The following ADAMTS17 variants were observed in gnomAD, a reference collection of about 807,000 sequenced individuals.
The protein encoded by ADAMTS17 is A disintegrin and metalloproteinase with thrombospondin motifs 17.
Under a neutral mutation model 141.5 loss-of-function variants are expected in ADAMTS17, and 113 were observed. The observed-to-expected ratio is 0.80, with a 90% CI of 0.69 to 0.93. ADAMTS17 has a LOEUF of 0.93. Ranked by LOEUF, ADAMTS17 falls within the 40% of genes least tolerant of loss-of-function variation. The probability of loss-of-function intolerance (pLI) is 0.00; values close to 1 mark genes in which losing one functional copy is unlikely to be tolerated. For missense variants in ADAMTS17, 1,659 were observed against 1,517.9 expected (o/e 1.09, Z -1.54); for synonymous variants, 768 against 630.6 (o/e 1.22, Z -3.27).
chr15:100,149,504 T>TTGACCTGAGTCACCCCTGGTCACCTGCTC (rs2039064743), intron 10 of ADAMTS17, among the ~76,000 whole-genome samples: 12 of 152,186 alleles, frequency 7.9e-5, no homozygotes, highest in Non-Finnish European at 1.5e-4. Flanking sequence ...GTCACCTGCT[T>TTGACCTGAGTCACCCCTGGTCACCTGCTC]TGACCTGAGT....
At chr15:100,236,146 G>A (rs547730772) in intron 7 of ADAMTS17, among the ~76,000 whole-genome samples, 96 of 152,220 alleles carry the variant, frequency 6.3e-4, no homozygotes, top group African/African-American at 2.1e-3. Flanking sequence ...GAGAACACAG[G>A]AAGTAACTCG....
At chr15:100,306,667 C>T in intron 3 of ADAMTS17, 1 of 437,018 alleles carries the variant, frequency 2.3e-6, no homozygotes, top group Non-Finnish European at 4.6e-6. Flanking sequence ...AACGACTCAG[C>T]TTTGGGGTAG....
intron 18 of ADAMTS17, among the ~76,000 whole-genome samples, chr15:100,022,419 C>T (rs2061422712): frequency 6.6e-6 from 1 of 152,204 alleles, no homozygotes; most frequent in Non-Finnish European, 1.5e-5. Context: ...AATAAAACAA[C>T]CAGCAGTTTC....
chr15:100,161,197 G>A (rs768754183), intron 8 of ADAMTS17, among the ~76,000 whole-genome samples: 18 of 152,262 alleles, frequency 1.2e-4, no homozygotes, highest in East Asian at 3.9e-4. Flanking sequence ...CACACCGTGC[G>A]GCGAGTTCTG....
At position 100,296,406 on chromosome 15, in the gene ADAMTS17, C is replaced by A. The variant is rs111696952; in HGVS notation, c.617-15005G>T. ...ATCCAACATCCTTGAAGCATAATGG[C>A]CTTCTCTTTCTTTTTTTTTCCAAAA... is the stretch of plus-strand genomic sequence containing the variant. On this transcript the variant is annotated intron_variant, in intron 3 of 21. Coordinates refer to ENST00000268070, the MANE Select transcript of ADAMTS17 (RefSeq NM_139057.4). Among the ~76,000 whole-genome samples, 134 of 151,820 alleles carry A rather than the reference C, an allele frequency of 8.8e-4. 1 individual carries two copies. The highest frequency in any genetic ancestry group is 3.4e-3 in the Middle Eastern group (1 of 294).
Position 100,162,810 on chromosome 15 carries a change from CACAT to C in ADAMTS17, c.1182-7494_1182-7491del, listed in dbSNP as rs2039776133. On this transcript the variant is annotated intron_variant, in intron 8 of 21. Coordinates refer to ENST00000268070, the MANE Select transcript of ADAMTS17 (RefSeq NM_139057.4). ...TGCACATATACACAGTATATATGCA[CACAT>C]ACACATTATATATATGTGTATAACT... is the stretch of plus-strand genomic sequence containing the variant. Among the ~76,000 whole-genome samples the C allele has an allele frequency of 2.1e-5, 3 of 143,702 alleles. 1 individual carries two copies. The South Asian group carries it at 6.6e-4, about 31-fold the overall frequency. 94.3% of individuals were successfully genotyped at this position (143,702 alleles called of 152,430 possible).
intron 7 of ADAMTS17, among the ~76,000 whole-genome samples, chr15:100,235,336 C>T (rs2042622193): frequency 6.6e-6 from 1 of 152,096 alleles, no homozygotes; most frequent in African/African-American, 2.4e-5. Context: ...CTGCTGGGCA[C>T]CTGGCTTTCC....
chr15:100,258,715 G>A (rs1027648572), intron 6 of ADAMTS17, among the ~76,000 whole-genome samples: 2 of 152,158 alleles, frequency 1.3e-5, no homozygotes, highest in African/African-American at 2.4e-5. Context: ...TGGGGACACA[G>A]CAAAACCGTA....
chr15:100,130,864 T>G (rs1024337163), intron 12 of ADAMTS17, among the ~76,000 whole-genome samples: 1 of 152,206 alleles, frequency 6.6e-6, no homozygotes, highest in Non-Finnish European at 1.5e-5. Context: ...ATCCCATTAC[T>G]GAGTATATAC....
rs1469060794 is a variant in ADAMTS17 at position 100,217,646 on chromosome 15, CAATG to C, written c.1076-18227_1076-18224del. On this transcript the variant is annotated intron_variant, in intron 7 of 21. Coordinates refer to ENST00000268070, the MANE Select transcript of ADAMTS17 (RefSeq NM_139057.4). ...TAAATATTTGTGATCCTGGGTTAGG[CAATG>C]ATTTCATAGGTATGATACCAAAAGT... 2.6e-5 allele frequency among the ~76,000 whole-genome samples: 4 copies of C among 152,148 alleles called. No homozygotes were observed. In the South Asian group the frequency reaches 8.3e-4, roughly 32 times the overall value.
chr15:100,227,980 A>G (rs2042362384), intron 7 of ADAMTS17, among the ~76,000 whole-genome samples: 1 of 152,112 alleles, frequency 6.6e-6, no homozygotes, highest in Non-Finnish European at 1.5e-5. Context: ...TCATCTGCCC[A>G]TAGCTCTTTG....
intron 13 of ADAMTS17, among the ~76,000 whole-genome samples, chr15:100,116,243 C>G (rs1464024463): frequency 6.6e-6 from 1 of 151,244 alleles, no homozygotes; most frequent in Non-Finnish European, 1.5e-5. Flanking sequence ...ATACATGACA[C>G]ACCACCTAGA....
chr15:100,139,721 G>A (rs533491666), intron 10 of ADAMTS17, among the ~76,000 whole-genome samples: 12 of 152,262 alleles, frequency 7.9e-5, no homozygotes, highest in African/African-American at 2.2e-4. Context: ...CAATCTAGTC[G>A]TGAGAACACA....
At chr15:100,040,397 T>C (rs184648896) in intron 18 of ADAMTS17, among the ~76,000 whole-genome samples, 2 of 152,236 alleles carry the variant, frequency 1.3e-5, no homozygotes, top group African/African-American at 4.8e-5. Context: ...CAGCGGCTGT[T>C]GTTGTTCTTT....
intron 13 of ADAMTS17, among the ~76,000 whole-genome samples, chr15:100,114,845 C>A (rs1390310893): frequency 1.3e-5 from 2 of 152,170 alleles, no homozygotes; most frequent in African/African-American, 4.8e-5. Context: ...ACGAAACAGT[C>A]CAGCCATCCA....
At chr15:100,311,167 A>C (rs2045392086) in intron 3 of ADAMTS17, among the ~76,000 whole-genome samples, 1 of 152,176 alleles carries the variant, frequency 6.6e-6, no homozygotes, top group African/African-American at 2.4e-5. Flanking sequence ...TCCTGCCGGG[A>C]GGGAAGCCGG....
At chr15:99,998,618 C>A (rs1303547514) in intron 18 of ADAMTS17, among the ~76,000 whole-genome samples, 2 of 152,086 alleles carry the variant, frequency 1.3e-5, no homozygotes, top group South Asian at 2.1e-4. Context: ...AAAATAAAAA[C>A]AAAAAATAAA....
intron 5 of ADAMTS17, among the ~76,000 whole-genome samples, 173 bp downstream of exon 5, chr15:100,262,179 C>A (rs1432968160): frequency 6.6e-6 from 1 of 152,154 alleles, no homozygotes; most frequent in Non-Finnish European, 1.5e-5. Context: ...AACAGCCCCC[C>A]CTCACACCAT....
At chr15:100,059,613 G>A (rs1441594734) in intron 15 of ADAMTS17, among the ~76,000 whole-genome samples, 1 of 152,224 alleles carries the variant, frequency 6.6e-6, no homozygotes, top group South Asian at 2.1e-4. Context: ...ATTCCTTTGG[G>A]ACGTCAAGAT....
Sources: gnomAD v4.1 joint callset for allele counts (sites outside exome capture counted in the v4.1 genomes callset) on GRCh38, gnomAD v4.1.1 for gene constraint, MANE v1.5 for transcripts, NCBI Gene and HGNC (gene_info 2026-07-23, HGNC 2026-07-21) for gene names.